CPSF7: variants seen among roughly 807,000 people sequenced by gnomAD.
CPSF7 encodes the protein cleavage and polyadenylation specific factor 7, also known as cleavage and polyadenylation specificity factor subunit 7.
A neutral mutation model predicts 44.3 loss-of-function variants in CPSF7; 1 was observed. That is an observed-to-expected ratio of 0.02 (90% CI 0.01 to 0.11). The LOEUF is 0.11. CPSF7 is among the 10% of genes least tolerant of loss of function. The pLI is 1.00. For missense variants in CPSF7, 443 were observed against 607.2 expected (o/e 0.73, Z 2.84); for synonymous variants, 202 against 222.0 (o/e 0.91, Z 0.80).
rs1206662770 is a variant in CPSF7, at chr11:61,416,529, A to C, written c.524-10T>G. ...GCCCGTGGAGGTATTCCTATGAAGCAAAACAGAACTGATGTTACTGCCCAG... is the reference window on the plus strand; with the variant it reads ...GCCCGTGGAGGTATTCCTATGAAGCCAAACAGAACTGATGTTACTGCCCAG... On this transcript the variant is annotated splice_polypyrimidine_tract_variant and intron_variant, in intron 5 of 9. Transcript: ENST00000439958. 1 of 1,613,832 alleles carries C rather than the reference A, an allele frequency of 6.2e-7. No individual in the cohort carries two copies. The highest frequency in any genetic ancestry group is 8.5e-7 in the Non-Finnish European group (1 of 1,179,816).
At chr11:61,414,283 A>T (rs1467384254) in intron 7 of CPSF7, among the ~76,000 whole-genome samples, 26 of 151,860 alleles carry the variant, frequency 1.7e-4, no homozygotes, top group Non-Finnish European at 7.4e-5. Context: ...CAGCCTCCCA[A>T]GTAGCTGGGT....
Position 61,411,221 on chromosome 11 carries a change from G to A in CPSF7, c.1227-116C>T, listed in dbSNP as rs2135278529. ...ACTATTCCTCTATTACTCTATCATG[G>A]GCCTGCTGTCTGAGGATTTTAGCTC... On this transcript the variant is annotated intron_variant, in intron 8 of 9. Coordinates refer to ENST00000439958, the MANE Select transcript of CPSF7 (RefSeq NM_001142565.3). The A allele has an allele frequency of 2.9e-6, 3 of 1,032,714 alleles. No homozygotes were observed. In the East Asian group the frequency reaches 7.8e-5, roughly 27 times the overall value. The allele number at this position is 1,032,714 out of a possible 1,614,324, so 64.0% of individuals were successfully genotyped here.
intron 5 of CPSF7, among the ~76,000 whole-genome samples, chr11:61,418,451 G>GA (rs966762880): frequency 1.3e-5 from 2 of 152,138 alleles, no homozygotes; most frequent in African/African-American, 4.8e-5. Context: ...TAGGCCCTAG[G>GA]AGACTGATTC....
intron 2 of CPSF7, among the ~76,000 whole-genome samples, chr11:61,428,541 G>A (rs567584714): frequency 6.6e-6 from 1 of 152,064 alleles, no homozygotes. Context: ...TCCAACTGAG[G>A]GTATGTGCAT....
chr11:61,429,606 A>G (rs2135430520), intron 1 of CPSF7: 2 of 824,208 alleles, frequency 2.4e-6, no homozygotes, highest in Admixed American at 3.0e-5. Context: ...ACCGCGGCGA[A>G]GCCCGCAGCC....
intron 7 of CPSF7, among the ~76,000 whole-genome samples, chr11:61,415,371 A>G (rs1049817509): frequency 3.9e-5 from 6 of 152,236 alleles, no homozygotes; most frequent in African/African-American, 7.2e-5. Flanking sequence ...GGAGATTTCC[A>G]CAAGGCAGGA....
chr11:61,411,991 T>C, intron 7 of CPSF7, 54 bp from the exon 8 acceptor site: 1 of 1,527,406 alleles, frequency 6.5e-7, no homozygotes, highest in Admixed American at 1.7e-5. Context: ...GTAAACTAAC[T>C]GGACCAAAAG....
At chr11:61,424,363 G>C (rs1265730224) in intron 2 of CPSF7, among the ~76,000 whole-genome samples, 1 of 152,196 alleles carries the variant, frequency 6.6e-6, no homozygotes, top group African/African-American at 2.4e-5. Context: ...ATGGTGAGTT[G>C]CTCCTGTGGT....
At chr11:61,410,894 TAATAAAAAA>T in intron 9 of CPSF7, 35 bp downstream of exon 9, 1 of 1,521,704 alleles carries the variant, frequency 6.6e-7, no homozygotes, top group Admixed American at 2.3e-5. Context: ...AATCTTTTTT[TAATAAAAAA>T]TCCCCCAGCA....
chr11:61,412,281 TTTA>T (rs1188830300), intron 7 of CPSF7, among the ~76,000 whole-genome samples: 1 of 152,090 alleles, frequency 6.6e-6, no homozygotes, highest in Non-Finnish European at 1.5e-5. Flanking sequence ...TGTTTTAGTG[TTTA>T]TTTTTTTTCA....
rs1443000724 is a variant in CPSF7 at position 61,422,568 on chromosome 11, C to T, written c.55-960G>A. Among the ~76,000 whole-genome samples the T allele has an allele frequency of 5.9e-5, 9 of 152,060 alleles. No individual in the cohort carries two copies. In the South Asian group the frequency reaches 1.2e-3, roughly 21 times the overall value. ...CTGGACTCAAGTGATCCACTGGCCTCGGCCTCCCAAAGTGCCGGGATTACA... is the reference window on the plus strand; with the variant it reads ...CTGGACTCAAGTGATCCACTGGCCTTGGCCTCCCAAAGTGCCGGGATTACA... On this transcript the variant is annotated intron_variant, in intron 2 of 9. Coordinates refer to ENST00000439958, the MANE Select transcript of CPSF7 (RefSeq NM_001142565.3).
intron 2 of CPSF7, 137 bp from the exon 3 acceptor site, chr11:61,421,745 A>T: frequency 1.6e-6 from 1 of 640,716 alleles, no homozygotes; most frequent in Non-Finnish European, 2.7e-6. Context: ...CAGGAAACAA[A>T]GTAAGAAAAA....
chr11:61,414,007 G>A (rs1459266737), intron 7 of CPSF7, among the ~76,000 whole-genome samples: 1 of 152,118 alleles, frequency 6.6e-6, no homozygotes, highest in Non-Finnish European at 1.5e-5. Flanking sequence ...AACAACAGGA[G>A]ATCAAGATTC....
At position 61,421,619 on chromosome 11, in the gene CPSF7, A is replaced by C. The variant is rs1205058194; in HGVS notation, c.55-11T>G. On this transcript the variant is annotated splice_polypyrimidine_tract_variant and intron_variant, in intron 2 of 9. Coordinates refer to ENST00000439958, the MANE Select transcript of CPSF7 (RefSeq NM_001142565.3). ...GTTGAACTCTGGGTCCTAAGAGATGAGGGGTTGGCAAAGGTAGGTCTGCAA... is the reference window on the plus strand; with the variant it reads ...GTTGAACTCTGGGTCCTAAGAGATGCGGGGTTGGCAAAGGTAGGTCTGCAA... 3.8e-6 allele frequency: 6 copies of C among 1,599,324 alleles called. No individual in the cohort carries two copies. The highest frequency in any genetic ancestry group is 5.1e-6 in the Non-Finnish European group (6 of 1,168,194).
chr11:61,427,099 T>C (rs1314017892), intron 2 of CPSF7: 1 of 114,946 alleles, frequency 8.7e-6, no homozygotes, highest in Non-Finnish European at 1.8e-5. Context: ...GGGAAAAACA[T>C]AATCTGCAAA....
chr11:61,408,096 G>C (rs1296596741), intron 9 of CPSF7, among the ~76,000 whole-genome samples: 1 of 141,606 alleles, frequency 7.1e-6, no homozygotes, highest in African/African-American at 2.7e-5. Context: ...TCACTCTGTC[G>C]CCCAGGCTGG....
intron 5 of CPSF7, 34 bp downstream of exon 5, chr11:61,419,915 C>T (rs1860711420): frequency 6.2e-7 from 1 of 1,610,774 alleles, no homozygotes. Context: ...AGATGGTCTC[C>T]ACGTACCCCC....
At chr11:61,413,369 C>T (rs1860019806) in intron 7 of CPSF7, among the ~76,000 whole-genome samples, 1 of 151,984 alleles carries the variant, frequency 6.6e-6, no homozygotes, top group African/African-American at 2.4e-5. Context: ...CAGTGGCTCA[C>T]ACTTGTAATC....
At position 61,420,004 on chromosome 11, in the gene CPSF7, G is replaced by A. The variant is rs138161429; in HGVS notation, c.468C>T (p.Asp156=). ...GGTTCTGCCGGGTGGCCGGCCTCAC[G>A]TCCACTTTTTCTCCATTAAGAACTT... ...PGKVLNGEKV[D]VRPATRQNLS... is the part of the protein sequence containing the mutation. Residue 156 remains aspartate (D), a synonymous_variant, in exon 5 of 10, where the codon GAC becomes GAT. Transcript: ENST00000439958. 3.6e-4 allele frequency: 576 copies of A among 1,614,086 alleles called. 1 individual carries two copies. Among genetic ancestry groups the A allele is most frequent in the South Asian group, 1.2e-3 (107 of 91,080 alleles).
Sources: allele counts gnomAD v4.1 joint callset (sites outside exome capture counted in the v4.1 genomes callset), GRCh38; gene constraint gnomAD v4.1.1; transcripts MANE v1.5; gene names NCBI Gene and HGNC (gene_info 2026-07-23, HGNC 2026-07-21).